The following TRAF2 variants were observed in gnomAD, a reference collection of about 807,000 sequenced individuals.
The protein encoded by TRAF2 is TNF receptor associated factor 2.
TRAF2 carries 6 observed loss-of-function variants against 55.6 expected under a neutral mutation model. The observed-to-expected ratio is 0.11, with a 90% confidence interval of 0.06 to 0.21. The LOEUF (loss-of-function observed/expected upper bound fraction) is 0.21. TRAF2 is among the 10% of genes least tolerant of loss of function. TRAF2 has a pLI of 1.00. For synonymous variants in TRAF2, 329 were observed against 276.3 expected (o/e 1.19, Z -1.89); for missense variants, 561 against 684.5 (o/e 0.82, Z 2.01).
At chr9:136,908,346 G>A (rs567629623) in intron 5 of TRAF2, 115 bp downstream of exon 5, 11 of 1,216,150 alleles carry the variant, frequency 9.0e-6, no homozygotes, top group South Asian at 3.2e-5. Flanking sequence ...CCACCCCCTC[G>A]GCCCTTTCCC....
At chr9:136,897,493 AGGT>A (rs1849706633) in intron 1 of TRAF2, among the ~76,000 whole-genome samples, 1 of 151,878 alleles carries the variant, frequency 6.6e-6, no homozygotes, top group Admixed American at 6.5e-5. Context: ...AGCCAGCCCC[AGGT>A]GCGCCACATT....
intron 1 of TRAF2, among the ~76,000 whole-genome samples, chr9:136,896,701 C>T (rs1394023872): frequency 1.3e-5 from 2 of 151,972 alleles, no homozygotes; most frequent in East Asian, 1.9e-4. Context: ...AGCACAGTGG[C>T]GCGATCTTGG....
chr9:136,924,869 G>A (rs1471474864), intron 10 of TRAF2, among the ~76,000 whole-genome samples: 1 of 152,092 alleles, frequency 6.6e-6, no homozygotes, highest in East Asian at 2.0e-4. Context: ...CTCCTGAGTA[G>A]CTGGGACTAC....
intron 5 of TRAF2, among the ~76,000 whole-genome samples, chr9:136,909,000 T>C (rs1469853770): frequency 6.7e-6 from 1 of 149,192 alleles, no homozygotes; most frequent in Non-Finnish European, 1.5e-5. Context: ...ACTGCACCAC[T>C]GCACACTAGC....
intron 9 of TRAF2, among the ~76,000 whole-genome samples, chr9:136,922,930 G>T (rs1409039332): frequency 6.6e-6 from 1 of 150,548 alleles, no homozygotes; most frequent in Admixed American, 6.6e-5. Context: ...CGCGGTGGAG[G>T]ACGAGGATGG....
chr9:136,909,217 C>G (rs1850038136), intron 5 of TRAF2, among the ~76,000 whole-genome samples: 2 of 15,422 alleles, frequency 1.3e-4, no homozygotes, highest in African/African-American at 1.0e-3. Context: ...TTCGCCTTCC[C>G]CAAAGCGTTG....
At chr9:136,885,448 C>CT (rs1564400736), upstream of TRAF2, among the ~76,000 whole-genome samples, 1 of 152,280 alleles carries the variant, frequency 6.6e-6, no homozygotes, top group East Asian at 1.9e-4. Context: ...ACAGTGCCGC[C>CT]TCCCCCATGC....
chr9:136,924,129 C>A, intron 10 of TRAF2, 129 bp downstream of exon 10: 3 of 1,155,704 alleles, frequency 2.6e-6, no homozygotes, highest in Non-Finnish European at 3.6e-6. Flanking sequence ...CTGCAGCAGG[C>A]ACGTCACCCT....
chr9:136,905,315 C>T (rs987025483), intron 4 of TRAF2, among the ~76,000 whole-genome samples: 1 of 152,200 alleles, frequency 6.6e-6, no homozygotes, highest in Non-Finnish European at 1.5e-5. Context: ...TCTCCTGTCT[C>T]AAAACTTAGT....
At chr9:136,889,339 A>G (rs1383570434) in intron 1 of TRAF2, among the ~76,000 whole-genome samples, 1 of 148,052 alleles carries the variant, frequency 6.8e-6, no homozygotes, top group African/African-American at 2.5e-5. Context: ...GCTGGAGTGC[A>G]ATGGTGCGAT....
intron 1 of TRAF2, among the ~76,000 whole-genome samples, chr9:136,894,965 G>C (rs951264466): frequency 6.6e-6 from 1 of 152,332 alleles, no homozygotes; most frequent in Non-Finnish European, 1.5e-5. Flanking sequence ...TCCAGCTAGG[G>C]AAACATAGTG....
exon 1 of TRAF2, chr9:136,886,506 GCGGGCCCTTAGTTC>G: frequency 1.0e-6 from 1 of 999,004 alleles, no homozygotes; most frequent in Non-Finnish European, 1.2e-6. Context: ...CGGTAGCTGG[GCGGGCCCTTAGTTC>G]CGGGCGCGCT....
chr9:136,903,294 C>A (rs1200272084), intron 4 of TRAF2, among the ~76,000 whole-genome samples: 2 of 152,208 alleles, frequency 1.3e-5, no homozygotes, highest in African/African-American at 4.8e-5. Flanking sequence ...TGATGGAGTG[C>A]TTGCTGAGTG....
chr9:136,891,298 C>T (rs960439485), intron 1 of TRAF2, among the ~76,000 whole-genome samples: 15 of 151,090 alleles, frequency 9.9e-5, no homozygotes, highest in East Asian at 2.0e-4. Context: ...TTAGTGGAGA[C>T]GGGGTCTCAC....
At chr9:136,901,646 C>T (rs1849822745) in intron 4 of TRAF2, among the ~76,000 whole-genome samples, 5 of 152,144 alleles carry the variant, frequency 3.3e-5, no homozygotes, top group Admixed American at 1.3e-4. Flanking sequence ...TGAGGCAGTA[C>T]CTTGATGCCA....
intron 6 of TRAF2, among the ~76,000 whole-genome samples, chr9:136,914,234 C>T (rs1382127782): frequency 1.3e-5 from 2 of 152,200 alleles, no homozygotes; most frequent in African/African-American, 4.8e-5. Flanking sequence ...ATGGACGGCC[C>T]TGCCGTGGGC....
intron 1 of TRAF2, among the ~76,000 whole-genome samples, chr9:136,895,505 C>T (rs997180442): frequency 3.3e-5 from 5 of 152,270 alleles, no homozygotes; most frequent in South Asian, 2.1e-4. Context: ...AGGCACAGAG[C>T]GGTCAGCATC....
intron 4 of TRAF2, chr9:136,902,374 A>ACTG (rs1478673839): frequency 6.6e-6 from 1 of 152,308 alleles, no homozygotes; most frequent in Non-Finnish European, 1.5e-5. Context: ...CTTTGAGAGG[A>ACTG]CTGAGGAGTG....
chr9:136,920,520 G>A lies in TRAF2; in HGVS notation c.960+5G>A, dbSNP rs373202107. The A allele has an allele frequency of 6.2e-7, 1 of 1,603,756 alleles. No individual in the cohort carries two copies. Among genetic ancestry groups the A allele is most frequent in the Non-Finnish European group, 8.5e-7 (1 of 1,173,704 alleles). On this transcript the variant is annotated splice_donor_5th_base_variant and intron_variant, in intron 8 of 10. Transcript: ENST00000247668. ...ATTGAAGCCCTGAGTAGCAAGGTTT[G>A]TGCCTGCCGGGTGGCCAGCCATGAG... is the stretch of plus-strand genomic sequence containing the variant.
Sources: gnomAD v4.1 joint callset for allele counts (sites outside exome capture counted in the v4.1 genomes callset) on GRCh38, gnomAD v4.1.1 for gene constraint, MANE v1.5 for transcripts, NCBI Gene and HGNC (gene_info 2026-07-23, HGNC 2026-07-21) for gene names.